TXLNB: variants seen among roughly 807,000 people sequenced by gnomAD.
TXLNB encodes beta-taxilin.
A neutral mutation model predicts 57.4 loss-of-function variants in TXLNB; 37 were observed. The observed-to-expected ratio is 0.64, with a 90% CI of 0.50 to 0.85. TXLNB has a LOEUF of 0.85. TXLNB is among the 40% of genes least tolerant of loss of function. The pLI, the probability that TXLNB is intolerant of heterozygous loss-of-function variation, is 0.00. For synonymous variants in TXLNB, 302 were observed against 309.6 expected (o/e 0.98, Z 0.26); for missense variants, 848 against 825.6 (o/e 1.03, Z -0.33).
the TXLNB span, chr6:139,167,011 G>A: frequency 1.6e-5 from 26 of 1,614,220 alleles, no homozygotes; most frequent in East Asian, 1.3e-4. Flanking sequence ...CAGTTCACAG[G>A]GGGGGACACT....
chr6:139,314,902 T>C, the TXLNB span, among the ~76,000 whole-genome samples: 1 of 152,202 alleles, frequency 6.6e-6, no homozygotes, highest in Non-Finnish European at 1.5e-5. Flanking sequence ...CTAACAGCCC[T>C]TTCCCGAAAA....
At chr6:139,243,378 A>G (rs1367822753) in intron 9 of TXLNB, 64 bp from the exon 10 acceptor site, 2 of 1,482,986 alleles carry the variant, frequency 1.3e-6, no homozygotes, top group Non-Finnish European at 1.8e-6. Context: ...CAAAATGTCC[A>G]GGATGCTTTC....
chr6:139,302,988 G>A, the TXLNB span, among the ~76,000 whole-genome samples: 1 of 152,102 alleles, frequency 6.6e-6, no homozygotes, highest in African/African-American at 2.4e-5. Context: ...CTATTAAACT[G>A]TCTTATTTTG....
At chr6:139,218,805 A>G in the TXLNB span, among the ~76,000 whole-genome samples, 1 of 152,170 alleles carries the variant, frequency 6.6e-6, no homozygotes. Flanking sequence ...TAAAAACCCA[A>G]AAAACCATTG....
At chr6:139,283,382 GC>G (rs1230758204) in intron 2 of TXLNB, among the ~76,000 whole-genome samples, 1 of 143,822 alleles carries the variant, frequency 7.0e-6, no homozygotes, top group Admixed American at 6.8e-5. Flanking sequence ...TTCAAGACCA[GC>G]CTGACCAACA....
chr6:139,177,443 G>A, the TXLNB span: 1 of 174,016 alleles, frequency 5.7e-6, no homozygotes, highest in Non-Finnish European at 1.2e-5. The surrounding 1 kb of genome is among the most constrained non-coding windows in gnomAD (Gnocchi z 4.9). Flanking sequence ...ATAGGAGTTG[G>A]AAGGAAACTC....
the TXLNB span, among the ~76,000 whole-genome samples, chr6:139,208,697 A>G: frequency 2.0e-5 from 3 of 152,244 alleles, no homozygotes; most frequent in Non-Finnish European, 4.4e-5. Context: ...AAATCATGTG[A>G]TCATCTCAAT....
chr6:139,223,751 A>G, the TXLNB span, among the ~76,000 whole-genome samples: 1 of 152,146 alleles, frequency 6.6e-6, no homozygotes, highest in Non-Finnish European at 1.5e-5. Flanking sequence ...ATGAGATACC[A>G]TTTCACACCA....
chr6:139,215,538 G>C, the TXLNB span, among the ~76,000 whole-genome samples: 1 of 152,234 alleles, frequency 6.6e-6, no homozygotes, highest in Non-Finnish European at 1.5e-5. Context: ...AGAAAACCTA[G>C]GCAATACCAT....
At chr6:139,230,636 T>C in the TXLNB span, among the ~76,000 whole-genome samples, 1 of 152,312 alleles carries the variant, frequency 6.6e-6, no homozygotes, top group South Asian at 2.1e-4. Flanking sequence ...CAAGACATAC[T>C]CCTTTTCTTG....
intron 4 of TXLNB, among the ~76,000 whole-genome samples, chr6:139,265,171 T>A (rs2114533146): frequency 6.6e-6 from 1 of 152,298 alleles, no homozygotes; most frequent in African/African-American, 2.4e-5. Context: ...GACATATGAG[T>A]AGCTTGGACT....
chr6:139,269,965 T>C (rs149237003), intron 4 of TXLNB, among the ~76,000 whole-genome samples: 257 of 152,354 alleles, frequency 1.7e-3, no homozygotes, highest in African/African-American at 6.1e-3. Context: ...GCTTCCTTTT[T>C]TTCAGATGAC....
chr6:139,163,503 G>A, the TXLNB span, among the ~76,000 whole-genome samples: 5 of 151,928 alleles, frequency 3.3e-5, no homozygotes, highest in East Asian at 1.9e-4. Context: ...ACAGGTGTGC[G>A]CCACTACACC....
At chr6:139,295,815 G>A (rs970401444), upstream of TXLNB, among the ~76,000 whole-genome samples, 4 of 152,062 alleles carry the variant, frequency 2.6e-5, no homozygotes, top group African/African-American at 9.7e-5. Context: ...GTAGAGCATT[G>A]TGATTATAGT....
chr6:139,287,864 A>G (rs1469013705), intron 2 of TXLNB, among the ~76,000 whole-genome samples: 1 of 132,060 alleles, frequency 7.6e-6, no homozygotes, highest in East Asian at 2.1e-4. Flanking sequence ...TAATTAATTT[A>G]CATGTCTTCT....
the TXLNB span, among the ~76,000 whole-genome samples, chr6:139,163,419 A>G: frequency 0.094 from 14,150 of 150,756 alleles, 989 homozygotes; most frequent in Admixed American, 0.19. Flanking sequence ...CAGTGGCACA[A>G]TCTCTACTCA....
At chr6:139,232,068 T>A in the TXLNB span, among the ~76,000 whole-genome samples, 1 of 152,216 alleles carries the variant, frequency 6.6e-6, no homozygotes, top group Admixed American at 6.5e-5. Flanking sequence ...CTCACACTGC[T>A]ATAAAGAACT....
At chr6:139,195,739 G>T in the TXLNB span, among the ~76,000 whole-genome samples, 1 of 152,152 alleles carries the variant, frequency 6.6e-6, no homozygotes, top group Non-Finnish European at 1.5e-5. Flanking sequence ...GTAGTTGCAT[G>T]GTTAAGTTGA....
At chr6:139,282,468 A>G (rs1183948850) in intron 2 of TXLNB, among the ~76,000 whole-genome samples, 1 of 145,074 alleles carries the variant, frequency 6.9e-6, no homozygotes, top group Non-Finnish European at 1.5e-5. Context: ...TCCTAGCTAC[A>G]TGGGAGACTG....
Sources: gnomAD v4.1 joint callset for allele counts (sites outside exome capture counted in the v4.1 genomes callset) on GRCh38, gnomAD v4.1.1 for gene constraint, Gnocchi (gnomAD v3.1) non-coding constraint, MANE v1.5 for transcripts, NCBI Gene and HGNC (gene_info 2026-07-23, HGNC 2026-07-21) for gene names.